WWOX: variants seen among roughly 807,000 people sequenced by gnomAD.
WWOX encodes WW domain containing oxidoreductase, also known as WW domain-containing oxidoreductase.
WWOX carries 69 observed loss-of-function variants against 46.2 expected under a neutral mutation model. The observed-to-expected ratio is 1.49, with a 90% CI of 1.23 to 1.82. The LOEUF (loss-of-function observed/expected upper bound fraction) is 1.82, where lower values mean the gene tolerates loss of function less well. Ranked by LOEUF, WWOX falls within the 40% of genes most tolerant of loss-of-function variation. The pLI is 0.00. For synonymous variants in WWOX, 359 were observed against 202.6 expected, an observed-to-expected ratio of 1.77 and a Z score of -6.56; for missense variants, 919 against 542.6, an observed-to-expected ratio of 1.69 and a Z score of -6.89.
At chr16:78,992,471 A>C (rs867852309) in intron 8 of WWOX, among the ~76,000 whole-genome samples, 5 of 152,254 alleles carry the variant, frequency 3.3e-5, no homozygotes, top group Middle Eastern at 3.4e-3. Flanking sequence ...TATCTCAAAA[A>C]AACAAAACAA....
At chr16:78,541,737 C>A (rs1360782100) in intron 8 of WWOX, among the ~76,000 whole-genome samples, 1 of 151,868 alleles carries the variant, frequency 6.6e-6, no homozygotes, top group Admixed American at 6.6e-5. Context: ...GTGGCAGTTA[C>A]AATAATACCC....
At chr16:78,603,360 ACG>A (rs886688697) in intron 8 of WWOX, among the ~76,000 whole-genome samples, 6 of 152,152 alleles carry the variant, frequency 3.9e-5, no homozygotes, top group African/African-American at 1.4e-4. Context: ...TCAGGGATGA[ACG>A]CCCCCACTGG....
chr16:78,636,329 C>T (rs1291103636), intron 8 of WWOX, among the ~76,000 whole-genome samples: 1 of 152,082 alleles, frequency 6.6e-6, no homozygotes, highest in African/African-American at 2.4e-5. Flanking sequence ...AAGACCCCCA[C>T]CTTTGAATAA....
At chr16:78,254,267 T>C (rs563689867) in intron 5 of WWOX, among the ~76,000 whole-genome samples, 1 of 151,972 alleles carries the variant, frequency 6.6e-6, no homozygotes, top group South Asian at 2.1e-4. Flanking sequence ...GTGGCAGGGT[T>C]GGAGGGCAGG....
chr16:78,287,021 A>T (rs977926905), intron 5 of WWOX, among the ~76,000 whole-genome samples: 9 of 152,148 alleles, frequency 5.9e-5, no homozygotes, highest in African/African-American at 1.9e-4. Context: ...TGCCCTTCTG[A>T]CTTTTTTCTC....
chr16:78,782,687 T>G (rs1472797061), intron 8 of WWOX, among the ~76,000 whole-genome samples: 1 of 150,734 alleles, frequency 6.6e-6, no homozygotes, highest in African/African-American at 2.4e-5. Context: ...TTTTTTTGCA[T>G]TTTTCCAATT....
rs1194820457 is a variant in WWOX, at chr16:78,984,135, C to A, written c.1057-227473C>A. Among the ~76,000 whole-genome samples, 3 of 152,166 alleles carry A rather than the reference C, an allele frequency of 2.0e-5. No individual in the cohort carries two copies. In the East Asian group the frequency reaches 5.8e-4, roughly 30 times the overall value. ...CCTCGTGATCTGCCCGCCTTGGCCT[C>A]CCAAAGTGCTGGCATTACAGGCATG... On this transcript the variant is annotated intron_variant, in intron 8 of 8. Coordinates refer to ENST00000566780, the MANE Select transcript of WWOX (RefSeq NM_016373.4).
intron 5 of WWOX, among the ~76,000 whole-genome samples, chr16:78,183,273 G>A (rs1398564788): frequency 6.6e-6 from 1 of 152,174 alleles, no homozygotes; most frequent in East Asian, 1.9e-4. Flanking sequence ...TGGGGGCGGT[G>A]TGGCTGGGGA....
At chr16:78,765,772 G>C (rs1167905395) in intron 8 of WWOX, among the ~76,000 whole-genome samples, 7 of 152,282 alleles carry the variant, frequency 4.6e-5, no homozygotes, top group African/African-American at 1.7e-4. Context: ...AGAGAAAACA[G>C]AGGCAAAAAT....
chr16:79,170,670 A>AT (rs35761134), intron 8 of WWOX, among the ~76,000 whole-genome samples: 68,210 of 151,232 alleles, frequency 0.45, 15,975 homozygotes, highest in East Asian at 0.75. Context: ...AGTTACTTCT[A>AT]TTTTTTTTTA....
intron 8 of WWOX, among the ~76,000 whole-genome samples, chr16:78,859,052 A>ATG (rs1383759350): frequency 3.1e-5 from 2 of 64,900 alleles, no homozygotes; most frequent in African/African-American, 6.0e-5. Context: ...ATATATATGT[A>ATG]TATATATATA....
chr16:78,765,791 C>G (rs1017679038), intron 8 of WWOX, among the ~76,000 whole-genome samples: 3 of 152,190 alleles, frequency 2.0e-5, no homozygotes, highest in Admixed American at 6.5e-5. Flanking sequence ...ATCACAACCT[C>G]TGTCAGAGAA....
chr16:79,038,929 A>G (rs1354213444), intron 8 of WWOX, among the ~76,000 whole-genome samples: 3 of 152,212 alleles, frequency 2.0e-5, no homozygotes, highest in African/African-American at 7.2e-5. Flanking sequence ...ACAAATCTGC[A>G]TTTCATGACC....
intron 4 of WWOX, among the ~76,000 whole-genome samples, chr16:78,140,955 A>G (rs2033965389): frequency 6.6e-6 from 1 of 152,296 alleles, no homozygotes; most frequent in South Asian, 2.1e-4. Context: ...CTAGTATGTA[A>G]CTCAGCTCTG....
At chr16:78,954,652 G>T (rs2046128882) in intron 8 of WWOX, among the ~76,000 whole-genome samples, 2 of 152,112 alleles carry the variant, frequency 1.3e-5, no homozygotes, top group Admixed American at 1.3e-4. Flanking sequence ...ATGATTTTTT[G>T]ATATAGAAGC....
intron 8 of WWOX, among the ~76,000 whole-genome samples, chr16:78,612,392 C>T (rs369268430): frequency 2.6e-5 from 4 of 152,224 alleles, no homozygotes; most frequent in Non-Finnish European, 4.4e-5. Flanking sequence ...CGGCAGGCAG[C>T]GTGGCGTAGG....
intron 5 of WWOX, among the ~76,000 whole-genome samples, chr16:78,327,847 G>A (rs1410775673): frequency 6.8e-6 from 1 of 147,384 alleles, no homozygotes; most frequent in Non-Finnish European, 1.5e-5. Flanking sequence ...CATTAGGAAT[G>A]AGCTAGCCTG....
intron 8 of WWOX, among the ~76,000 whole-genome samples, chr16:79,070,091 T>A (rs1197043730): frequency 6.6e-6 from 1 of 152,214 alleles, no homozygotes; most frequent in African/African-American, 2.4e-5. Context: ...CCTCAAGACT[T>A]ATCATTCAAA....
At chr16:78,135,135 A>G (rs547427363) in intron 4 of WWOX, among the ~76,000 whole-genome samples, 4 of 152,362 alleles carry the variant, frequency 2.6e-5, no homozygotes, top group African/African-American at 9.6e-5. Context: ...TAGAGGATGC[A>G]GATTCCACCC....
Sources: allele counts gnomAD v4.1 joint callset (sites outside exome capture counted in the v4.1 genomes callset), GRCh38; gene constraint gnomAD v4.1.1; transcripts MANE v1.5; gene names NCBI Gene and HGNC (gene_info 2026-07-23, HGNC 2026-07-21).